Variants in RAP1GAP2 observed in about 807,000 individuals in gnomAD.
RAP1GAP2 encodes the protein RAP1 GTPase activating protein 2.
In RAP1GAP2, 27 loss-of-function variants were observed where a neutral mutation model predicts 95.0. The observed-to-expected ratio is 0.28, with a 90% CI of 0.21 to 0.39. The LOEUF (loss-of-function observed/expected upper bound fraction) is 0.39. RAP1GAP2 is among the 10% of genes least tolerant of loss of function. The pLI, the probability that RAP1GAP2 is intolerant of heterozygous loss-of-function variation, is 1.00. For missense variants in RAP1GAP2, 771 were observed against 970.0 expected (o/e 0.79, Z 2.72); for synonymous variants, 373 against 380.9 (o/e 0.98, Z 0.24).
chr17:3,010,253 T>C (rs963325708), intron 17 of RAP1GAP2, among the ~76,000 whole-genome samples: 1 of 137,858 alleles, frequency 7.3e-6, no homozygotes, highest in African/African-American at 2.8e-5. Flanking sequence ...GGCAGGAGAA[T>C]CACGTGAACC....
intron 1 of RAP1GAP2, among the ~76,000 whole-genome samples, chr17:2,768,474 C>T (rs2068318438): frequency 6.6e-6 from 1 of 151,872 alleles, no homozygotes; most frequent in Non-Finnish European, 1.5e-5. Flanking sequence ...GGCGGATCAC[C>T]TGAGGTCAGC....
At chr17:2,888,652 CTTTTTTTT>C (rs59994615) in intron 2 of RAP1GAP2, among the ~76,000 whole-genome samples, 27 of 104,012 alleles carry the variant, frequency 2.6e-4, no homozygotes, top group African/African-American at 7.3e-4. Context: ...TTTTCTTTTT[CTTTTTTTT>C]TTTTTTTTTG....
At chr17:2,863,416 C>G (rs1314635321) in intron 2 of RAP1GAP2, among the ~76,000 whole-genome samples, 6 of 152,148 alleles carry the variant, frequency 3.9e-5, no homozygotes, top group Non-Finnish European at 8.8e-5. Flanking sequence ...GGCAGCCTGG[C>G]TGGGAGCTGG....
In RAP1GAP2 at chr17:3,029,063, G is replaced by T. The variant is rs189091691; in HGVS notation, c.2108-1859G>T. Among the ~76,000 whole-genome samples, 66 of 152,306 alleles carry T rather than the reference G, an allele frequency of 4.3e-4. No individual in the cohort carries two copies. The highest frequency in any genetic ancestry group is 8.5e-4 in the Non-Finnish European group (58 of 68,022). ...TCCACCCACCTCGGCCTCCCAAAGT[G>T]CTGGGATTACAGGCGTGAGCCACCG... On this transcript the variant is annotated intron_variant, in intron 22 of 24. Coordinates refer to ENST00000254695, the MANE Select transcript of RAP1GAP2 (RefSeq NM_015085.5). The surrounding 1 kb of genome is among the most constrained non-coding windows in gnomAD (Gnocchi z 4.4).
intron 16 of RAP1GAP2, 51 bp from the exon 17 acceptor site, chr17:3,007,960 C>CA: frequency 6.3e-7 from 1 of 1,593,982 alleles, no homozygotes; most frequent in African/African-American, 1.3e-5. Flanking sequence ...GGAGCAGGCA[C>CA]ATCTCTGCTC....
At chr17:2,920,596 C>T (rs1023799264) in intron 3 of RAP1GAP2, among the ~76,000 whole-genome samples, 1 of 152,220 alleles carries the variant, frequency 6.6e-6, no homozygotes, top group Non-Finnish European at 1.5e-5. Flanking sequence ...ACCTCGGTTT[C>T]CTCATTTATA....
chr17:2,972,726 A>G lies in RAP1GAP2; in HGVS notation c.596+7083A>G, dbSNP rs1417866321. 2.0e-5 allele frequency among the ~76,000 whole-genome samples: 3 copies of G among 152,330 alleles called. No homozygotes were observed. The East Asian group carries it at 5.8e-4, about 29-fold the overall frequency. Reference sequence around the variant, plus strand: ...GTTGTAAATAAAATAGCAGCCCCAGAAACTCAAATCTAAATAGACTAATAA... The same window carrying G: ...GTTGTAAATAAAATAGCAGCCCCAGGAACTCAAATCTAAATAGACTAATAA... On this transcript the variant is annotated intron_variant, in intron 8 of 24. Transcript: ENST00000254695.
At chr17:2,863,770 G>A (rs898797092) in intron 2 of RAP1GAP2, among the ~76,000 whole-genome samples, 6 of 152,026 alleles carry the variant, frequency 3.9e-5, no homozygotes, top group African/African-American at 1.4e-4. Flanking sequence ...TAAGAGTGGA[G>A]GTAGGGCCGG....
At position 2,866,036 on chromosome 17, in the gene RAP1GAP2, G is replaced by T. The variant is rs1000285398; in HGVS notation, c.81-39248G>T. On this transcript the variant is annotated intron_variant, in intron 2 of 24. Coordinates refer to ENST00000254695, the MANE Select transcript of RAP1GAP2 (RefSeq NM_015085.5). The surrounding 1 kb of genome is among the most constrained non-coding windows in gnomAD (Gnocchi z 4.0). Reference sequence around the variant, plus strand: ...AACCATGGAATGTGAATCCAAGACAGAAGAGGGAGGTGTGGAGAAGAGGTG... The same window carrying T: ...AACCATGGAATGTGAATCCAAGACATAAGAGGGAGGTGTGGAGAAGAGGTG... 6.6e-6 allele frequency among the ~76,000 whole-genome samples: 1 copy of T among 152,248 alleles called. No individual in the cohort carries two copies. Among genetic ancestry groups the T allele is most frequent in the Non-Finnish European group, 1.5e-5 (1 of 68,054 alleles).
At chr17:2,947,352 T>C (rs1333875497) in intron 3 of RAP1GAP2, among the ~76,000 whole-genome samples, 2 of 152,006 alleles carry the variant, frequency 1.3e-5, no homozygotes, top group Non-Finnish European at 2.9e-5. Flanking sequence ...GGGTTGGCCA[T>C]CCAGGGTGAG....
rs8071148 is a variant in RAP1GAP2, at chr17:3,036,239, T to C, written c.*2878T>C. 1,412 of 152,326 alleles carry C rather than the reference T, an allele frequency of 9.3e-3. 16 individuals are homozygous for C. The highest frequency in any genetic ancestry group is 0.014 in the Non-Finnish European group (982 of 68,020). 9.4% of individuals were successfully genotyped at this position (152,326 alleles called of 1,614,324 possible). ...CCTGCTGGCTCTTTTTAGCATCTCA[T>C]CCAACCATGTCATCGTCCAGATGAG... On this transcript the variant is annotated 3_prime_UTR_variant, in exon 25 of 25. Transcript: ENST00000254695.
chr17:2,816,118 G>A (rs2070010194), intron 2 of RAP1GAP2, among the ~76,000 whole-genome samples: 1 of 152,086 alleles, frequency 6.6e-6, no homozygotes, highest in Admixed American at 6.6e-5. Context: ...CCATAATCTG[G>A]TAAAAATAGG....
At chr17:2,936,681 G>C (rs1374385410) in intron 3 of RAP1GAP2, among the ~76,000 whole-genome samples, 1 of 152,020 alleles carries the variant, frequency 6.6e-6, no homozygotes, top group African/African-American at 2.4e-5. Context: ...ATTGAGTCTT[G>C]CTCTTCTACT....
chr17:2,893,389 C>G (rs780125747), intron 2 of RAP1GAP2, among the ~76,000 whole-genome samples: 2 of 152,132 alleles, frequency 1.3e-5, no homozygotes, highest in Non-Finnish European at 2.9e-5. Flanking sequence ...ATAATAAATG[C>G]GTGTGGTCAG....
chr17:2,947,910 C>A (rs1032332271), intron 3 of RAP1GAP2, among the ~76,000 whole-genome samples: 11 of 152,176 alleles, frequency 7.2e-5, no homozygotes, highest in African/African-American at 2.7e-4. Context: ...CTTCTCCCCC[C>A]AGCACTTTCT....
In RAP1GAP2 at chr17:3,032,298, G is replaced by C. The variant is rs556896869; in HGVS notation, c.2185-113G>C. 4,626 of 1,248,806 alleles carry C rather than the reference G, an allele frequency of 3.7e-3. 127 individuals are homozygous for C. In the African/African-American group the frequency reaches 0.056, roughly 15 times the overall value. 77.4% of individuals were successfully genotyped at this position (1,248,806 alleles called of 1,614,324 possible). A position where few individuals can be genotyped will look rare whatever the true frequency, so the allele number is the denominator to read the frequency against. The stretch of plus-strand genomic sequence containing the variant: ...GGGAAGTGCTTGTTCCTGGGGTCCT[G>C]AATCCCTTCCTGAGCTCACCAGACT... On this transcript the variant is annotated intron_variant, in intron 23 of 24. Transcript: ENST00000254695.
chr17:2,899,054 A>G (rs1401642201), intron 2 of RAP1GAP2, among the ~76,000 whole-genome samples: 1 of 149,238 alleles, frequency 6.7e-6, no homozygotes, highest in Non-Finnish European at 1.5e-5. Context: ...TGGAACTGGA[A>G]TCACACAGCA....
intron 17 of RAP1GAP2, among the ~76,000 whole-genome samples, chr17:3,016,621 G>A (rs2046778923): frequency 6.6e-6 from 1 of 152,196 alleles, no homozygotes. Context: ...TTCCTGCTGC[G>A]GGTCTCCCAG....
At chr17:2,794,869 C>CT, upstream of RAP1GAP2, among the ~76,000 whole-genome samples, 1 of 90,598 alleles carries the variant, frequency 1.1e-5, no homozygotes, top group African/African-American at 4.1e-5. Context: ...CCGTTTTTTT[C>CT]CTTTTTTTTT....
Sources: allele counts gnomAD v4.1 joint callset (sites outside exome capture counted in the v4.1 genomes callset), GRCh38; gene constraint gnomAD v4.1.1; non-coding constraint Gnocchi (gnomAD v3.1); transcripts MANE v1.5; gene names NCBI Gene and HGNC (gene_info 2026-07-23, HGNC 2026-07-21).